Variants in SRFBP1 observed in about 807,000 individuals in gnomAD.
The protein encoded by SRFBP1 is serum response factor binding protein 1.
In SRFBP1, 47 loss-of-function variants were observed where a neutral mutation model predicts 45.5. That is an observed-to-expected ratio of 1.03 (90% CI 0.82 to 1.32). The LOEUF (loss-of-function observed/expected upper bound fraction) is 1.32, where lower values mean the gene tolerates loss of function less well. Among genes scored for constraint, SRFBP1 ranks in the 40% most tolerant of loss-of-function variants. The pLI is 0.00. For synonymous variants in SRFBP1, 203 were observed against 166.3 expected, an observed-to-expected ratio of 1.22 and a Z score of -1.70; for missense variants, 621 against 484.6, an observed-to-expected ratio of 1.28 and a Z score of -2.64.
intron 2 of SRFBP1, among the ~76,000 whole-genome samples, chr5:122,039,616 C>T (rs973982476): frequency 4.6e-5 from 7 of 152,246 alleles, no homozygotes; most frequent in African/African-American, 1.4e-4. Flanking sequence ...CCCAGACAGA[C>T]GTTGATATAC....
chr5:122,006,809 A>C (rs1204449017), intron 4 of SRFBP1, among the ~76,000 whole-genome samples: 2 of 151,340 alleles, frequency 1.3e-5, no homozygotes, highest in Non-Finnish European at 2.9e-5. Context: ...TTATATTATT[A>C]ATTTGTTTCT....
intron 4 of SRFBP1, among the ~76,000 whole-genome samples, chr5:122,002,357 G>T (rs984201262): frequency 9.9e-5 from 15 of 152,126 alleles, no homozygotes; most frequent in Non-Finnish European, 1.8e-4. Flanking sequence ...CATTAATTAT[G>T]ACAAATACTG....
At chr5:122,021,855 T>TTTTTG (rs1029089712) in intron 6 of SRFBP1, among the ~76,000 whole-genome samples, 1 of 151,532 alleles carries the variant, frequency 6.6e-6, no homozygotes, top group East Asian at 1.9e-4. Flanking sequence ...TTTTGTTTTT[T>TTTTTG]TTTTGTTTTG....
intron 3 of SRFBP1, among the ~76,000 whole-genome samples, chr5:121,986,691 C>T (rs1457339495): frequency 6.6e-6 from 1 of 151,994 alleles, no homozygotes; most frequent in Non-Finnish European, 1.5e-5. Flanking sequence ...CCTTTTCTGG[C>T]ATAAGAAATT....
At chr5:121,985,865 TTAG>T (rs1752508004) in intron 3 of SRFBP1, among the ~76,000 whole-genome samples, 1 of 151,906 alleles carries the variant, frequency 6.6e-6, no homozygotes, top group African/African-American at 2.4e-5. Flanking sequence ...GTTTATCATG[TTAG>T]TAGATTATGT....
intron 6 of SRFBP1, among the ~76,000 whole-genome samples, chr5:122,021,621 A>G (rs972585057): frequency 4.0e-5 from 6 of 151,494 alleles, no homozygotes; most frequent in Non-Finnish European, 8.8e-5. Context: ...ACTTTTTTCC[A>G]CATTTGAAAA....
chr5:122,054,053 G>A (rs1369139971), intron 2 of SRFBP1, among the ~76,000 whole-genome samples: 1 of 152,228 alleles, frequency 6.6e-6, no homozygotes, highest in African/African-American at 2.4e-5. Flanking sequence ...AGCAGTGTGA[G>A]ATGGAGCAAT....
intron 2 of SRFBP1, among the ~76,000 whole-genome samples, chr5:122,071,945 T>C (rs1020527791): frequency 2.6e-5 from 4 of 152,312 alleles, no homozygotes; most frequent in Non-Finnish European, 5.9e-5. Context: ...ACTCATATTC[T>C]GTTGTTATTA....
At chr5:121,989,692 G>A (rs191218324) in intron 3 of SRFBP1, among the ~76,000 whole-genome samples, 126 of 152,272 alleles carry the variant, frequency 8.3e-4, no homozygotes, top group Admixed American at 1.7e-3. Flanking sequence ...GTTGTATCTG[G>A]CACCTGCGTG....
At chr5:122,025,444 T>C (rs1020166721) in intron 7 of SRFBP1, among the ~76,000 whole-genome samples, 3 of 152,222 alleles carry the variant, frequency 2.0e-5, no homozygotes, top group South Asian at 2.1e-4. Context: ...GTCTTTATAG[T>C]AGCATGATTT....
chr5:122,002,551 C>T (rs1218613617), intron 4 of SRFBP1, among the ~76,000 whole-genome samples: 1 of 152,154 alleles, frequency 6.6e-6, no homozygotes, highest in Non-Finnish European at 1.5e-5. Context: ...GGAACAGATA[C>T]TGCATAGTTT....
chr5:121,964,344 C>T (rs1040403033), intron 1 of SRFBP1, among the ~76,000 whole-genome samples: 32 of 152,220 alleles, frequency 2.1e-4, no homozygotes, highest in Middle Eastern at 3.4e-3. Context: ...ATCCCTCCCC[C>T]TTTCCCCCCA....
At chr5:121,985,969 T>A (rs1752509986) in intron 3 of SRFBP1, among the ~76,000 whole-genome samples, 1 of 151,848 alleles carries the variant, frequency 6.6e-6, no homozygotes, top group African/African-American at 2.4e-5. Flanking sequence ...TCAGAGAAAT[T>A]ATCTTGGCTA....
intron 6 of SRFBP1, among the ~76,000 whole-genome samples, 161 bp from the exon 7 acceptor site, chr5:122,022,209 G>A (rs1263908638): frequency 1.3e-5 from 2 of 152,160 alleles, no homozygotes; most frequent in African/African-American, 4.8e-5. Context: ...GTTTGATACA[G>A]CTACAACCTG....
chr5:121,992,705 T>C (rs1213846576), intron 3 of SRFBP1, among the ~76,000 whole-genome samples: 1 of 152,150 alleles, frequency 6.6e-6, no homozygotes, highest in Non-Finnish European at 1.5e-5. Flanking sequence ...CTACTAGAAC[T>C]ACAAATGGTT....
At chr5:122,009,383 A>T (rs1307967602) in intron 4 of SRFBP1, among the ~76,000 whole-genome samples, 1 of 152,058 alleles carries the variant, frequency 6.6e-6, no homozygotes, top group Non-Finnish European at 1.5e-5. Flanking sequence ...CATTTTAATT[A>T]GTCTCTTCCA....
intron 4 of SRFBP1, among the ~76,000 whole-genome samples, chr5:122,009,976 C>T (rs1753056974): frequency 6.6e-6 from 1 of 152,140 alleles, no homozygotes; most frequent in Non-Finnish European, 1.5e-5. Context: ...TCCATCCTCC[C>T]CTTTAACCTT....
chr5:122,062,956 T>C (rs1754206186), intron 2 of SRFBP1, among the ~76,000 whole-genome samples: 1 of 152,004 alleles, frequency 6.6e-6, no homozygotes, highest in Non-Finnish European at 1.5e-5. Flanking sequence ...TTGCAATGCC[T>C]GCTCTGTGTC....
intron 2 of SRFBP1, chr5:122,069,916 C>A (rs1754401607): frequency 5.4e-6 from 4 of 746,252 alleles, no homozygotes; most frequent in South Asian, 2.8e-5. Flanking sequence ...AATCAGACTG[C>A]ATACCATTTT....
Sources: gnomAD v4.1 joint callset for allele counts (sites outside exome capture counted in the v4.1 genomes callset) on GRCh38, gnomAD v4.1.1 for gene constraint, MANE v1.5 for transcripts, NCBI Gene and HGNC (gene_info 2026-07-23, HGNC 2026-07-21) for gene names.